DCLK3: variants seen among roughly 807,000 people sequenced by gnomAD.
DCLK3 encodes doublecortin like kinase 3.
A neutral mutation model predicts 46.4 loss-of-function variants in DCLK3; 30 were observed. The ratio of observed to expected loss-of-function variants is 0.65; its 90% CI spans 0.48 to 0.88. The LOEUF is 0.88. DCLK3 is among the 40% of genes least tolerant of loss of function. The pLI, the probability that DCLK3 is intolerant of heterozygous loss-of-function variation, is 0.00. For missense variants in DCLK3, 846 were observed against 907.1 expected (o/e 0.93, Z 0.87); for synonymous variants, 401 against 339.2 (o/e 1.18, Z -2.00).
intron 3 of DCLK3, 105 bp from the exon 4 acceptor site, chr3:36,718,282 A>G: frequency 6.6e-7 from 1 of 1,505,710 alleles, no homozygotes; most frequent in South Asian, 1.2e-5. Context: ...TCTAAGTCAT[A>G]GAGGATCCCA....
In DCLK3 at chr3:36,764,139, G is replaced by A. The variant is rs1701564252; in HGVS notation, c.82+43C>T. 1 of 329,324 alleles carries A rather than the reference G, an allele frequency of 3.0e-6. No individual in the cohort carries two copies. The allele number at this position is 329,324 out of a possible 1,614,324, so 20.4% of individuals were successfully genotyped here. ...AATGAGTCCTCCCGCCCCCGCCAAG[G>A]TGGCGCCCAGAACGGGTCGGTGCCG... On this transcript the variant is annotated intron_variant, in intron 1 of 4. Transcript: ENST00000636136. The surrounding 1 kb of genome is among the most constrained non-coding windows in gnomAD (Gnocchi z 4.9).
intron 3 of DCLK3, 37 bp from the exon 4 acceptor site, chr3:36,718,214 G>C (rs956591786): frequency 2.5e-6 from 4 of 1,612,254 alleles, no homozygotes; most frequent in Non-Finnish European, 1.7e-6. Flanking sequence ...GCAAACCTGA[G>C]ACCAGGCAGG....
intron 3 of DCLK3, 41 bp from the exon 4 acceptor site, chr3:36,718,218 A>C: frequency 6.2e-7 from 1 of 1,611,782 alleles, no homozygotes; most frequent in Non-Finnish European, 8.5e-7. Flanking sequence ...ACCTGAGACC[A>C]GGCAGGGTCA....
intron 1 of DCLK3, among the ~76,000 whole-genome samples, chr3:36,748,081 A>G (rs1701408475): frequency 6.6e-6 from 1 of 152,174 alleles, no homozygotes. Context: ...GCATGACCCA[A>G]CTAAACCCAA....
At chr3:36,734,313 C>A (rs1701233697) in intron 2 of DCLK3, among the ~76,000 whole-genome samples, 1 of 152,120 alleles carries the variant, frequency 6.6e-6, no homozygotes, top group Non-Finnish European at 1.5e-5. Context: ...TCTGACATAA[C>A]AATATGTTAA....
intron 1 of DCLK3, among the ~76,000 whole-genome samples, chr3:36,741,319 A>G (rs889818366): frequency 3.9e-5 from 6 of 152,200 alleles, no homozygotes; most frequent in Admixed American, 1.3e-4. Flanking sequence ...TCCTTGATAC[A>G]TACTGTCAGA....
intron 1 of DCLK3, among the ~76,000 whole-genome samples, chr3:36,756,786 C>A (rs114358360): frequency 2.0e-5 from 3 of 152,020 alleles, no homozygotes; most frequent in African/African-American, 7.2e-5. Context: ...CCCTGCTAGT[C>A]TGGGGGGATT....
At chr3:36,750,173 C>T (rs58533039) in intron 1 of DCLK3, among the ~76,000 whole-genome samples, 11 of 152,216 alleles carry the variant, frequency 7.2e-5, no homozygotes, top group South Asian at 6.2e-4. Context: ...CTCTGCTTCC[C>T]GGGTTCAAGC....
At position 36,730,221 on chromosome 3, in the gene DCLK3, CACACACAA is replaced by C. The variant is rs1290291408; in HGVS notation, c.1959+6979_1959+6986del. On this transcript the variant is annotated intron_variant, in intron 2 of 4. Transcript: ENST00000636136. ...ACACACACACACACACACACACACA[CACACACAA>C]ACACATAAACATACCATAATACAAA... Among the ~76,000 whole-genome samples the C allele has an allele frequency of 5.5e-5, 7 of 127,598 alleles. No homozygotes were observed. The South Asian group carries it at 7.6e-4, about 14-fold the overall frequency. The allele number at this position is 127,598 out of a possible 152,430, so 83.7% of individuals were successfully genotyped here. A position where few individuals can be genotyped will look rare whatever the true frequency, so the allele number is the denominator to read the frequency against.
intron 2 of DCLK3, among the ~76,000 whole-genome samples, chr3:36,729,441 C>A (rs953080407): frequency 6.6e-6 from 1 of 152,166 alleles, no homozygotes; most frequent in African/African-American, 2.4e-5. Flanking sequence ...TGACTGTTAT[C>A]TGTCTGCATC....
In DCLK3 at chr3:36,764,002, A is replaced by G. The variant is rs1358963694; in HGVS notation, c.82+180T>C. Among the ~76,000 whole-genome samples the G allele has an allele frequency of 6.6e-6, 1 of 152,080 alleles. No homozygotes were observed. Among genetic ancestry groups the G allele is most frequent in the African/African-American group, 2.4e-5 (1 of 41,458 alleles). ...CACGCGCGCGCGTTTACACACACGT[A>G]CACACACATACACACGTACACACAC... is the stretch of plus-strand genomic sequence containing the variant. On this transcript the variant is annotated intron_variant, in intron 1 of 4. Coordinates refer to ENST00000636136, the MANE Select transcript of DCLK3 (RefSeq NM_001394672.2). The surrounding 1 kb of genome is among the most constrained non-coding windows in gnomAD (Gnocchi z 4.9).
intron 1 of DCLK3, among the ~76,000 whole-genome samples, chr3:36,739,599 C>T (rs892809898): frequency 9.2e-5 from 14 of 152,208 alleles, no homozygotes; most frequent in Non-Finnish European, 1.3e-4. Flanking sequence ...ACTTGCCCTT[C>T]CTTGCCTTCC....
chr3:36,714,214 T>C lies in DCLK3; in HGVS notation c.*1114A>G, dbSNP rs951723259. The C allele has an allele frequency of 6.6e-6, 1 of 152,188 alleles. No homozygotes were observed. Among genetic ancestry groups the C allele is most frequent in the African/African-American group, 2.4e-5 (1 of 41,430 alleles). 9.4% of individuals were successfully genotyped at this position (152,188 alleles called of 1,614,324 possible). A position where few individuals can be genotyped will look rare whatever the true frequency, so the allele number is the denominator to read the frequency against. ...CTTATGTTGAATTCTCTAGTACTAT[T>C]CCGGTTTTCCTAACTAACACACGCC... is the stretch of plus-strand genomic sequence containing the variant. On this transcript the variant is annotated 3_prime_UTR_variant, in exon 5 of 5. Coordinates refer to ENST00000636136, the MANE Select transcript of DCLK3 (RefSeq NM_001394672.2).
chr3:36,727,653 A>T (rs1701141603), intron 2 of DCLK3, among the ~76,000 whole-genome samples: 1 of 152,174 alleles, frequency 6.6e-6, no homozygotes, highest in Non-Finnish European at 1.5e-5. Context: ...CATAAGCAGA[A>T]CTTGGTGGGG....
intron 4 of DCLK3, among the ~76,000 whole-genome samples, chr3:36,716,258 T>C (rs1156812875): frequency 1.3e-5 from 2 of 152,188 alleles, no homozygotes; most frequent in South Asian, 2.1e-4. Flanking sequence ...ACTCAAGATA[T>C]GCACAAGAAG....
chr3:36,724,176 G>C (rs1701097245), intron 2 of DCLK3, among the ~76,000 whole-genome samples: 1 of 152,226 alleles, frequency 6.6e-6, no homozygotes, highest in South Asian at 2.1e-4. Flanking sequence ...CATGGGGCCT[G>C]TGGCCCCTTT....
chr3:36,734,779 A>G (rs1254819756), intron 2 of DCLK3, among the ~76,000 whole-genome samples: 1 of 152,072 alleles, frequency 6.6e-6, no homozygotes, highest in Non-Finnish European at 1.5e-5. Context: ...TAAAACATGC[A>G]TGTACTGACA....
rs919373153 is a variant in DCLK3 at position 36,713,907 on chromosome 3, G to A, written c.*1421C>T. 2.0e-5 allele frequency: 3 copies of A among 152,292 alleles called. No individual in the cohort carries two copies. Among genetic ancestry groups the A allele is most frequent in the African/African-American group, 4.8e-5 (2 of 41,428 alleles). 9.4% of individuals were successfully genotyped at this position (152,292 alleles called of 1,614,324 possible). A position where few individuals can be genotyped will look rare whatever the true frequency, so the allele number is the denominator to read the frequency against. Reference sequence around the variant, plus strand: ...AGCCTGCTTCAGGAGGGAGCTGAAAGGTGTCTCTTCCAGTGGAGGGTAATT... The same window carrying A: ...AGCCTGCTTCAGGAGGGAGCTGAAAAGTGTCTCTTCCAGTGGAGGGTAATT... On this transcript the variant is annotated 3_prime_UTR_variant, in exon 5 of 5. Coordinates refer to ENST00000636136, the MANE Select transcript of DCLK3 (RefSeq NM_001394672.2).
In DCLK3 at chr3:36,721,596, C is replaced by A. The variant is rs1294907771; in HGVS notation, c.2023G>T (p.Val675Leu). Residue 675 changes from valine to leucine, a missense_variant, in exon 3 of 5, where the codon GTG (valine) becomes TTG (leucine). Transcript: ENST00000636136. Reference protein sequence around the residue: ...KLADFGLAKHVVRPIFTVCGT... With the variant: ...KLADFGLAKHLVRPIFTVCGT... ...CACACAGTAAATATAGGTCTCACCA[C>A]ATGCTTTGCAAGTCCAAAATCAGCC... The A allele has an allele frequency of 1.2e-6, 2 of 1,614,102 alleles. No individual in the cohort carries two copies. Among genetic ancestry groups the A allele is most frequent in the East Asian group, 2.2e-5 (1 of 44,894 alleles).
Sources: allele counts gnomAD v4.1 joint callset (sites outside exome capture counted in the v4.1 genomes callset), GRCh38; gene constraint gnomAD v4.1.1; non-coding constraint Gnocchi (gnomAD v3.1); transcripts MANE v1.5; gene names NCBI Gene and HGNC (gene_info 2026-07-23, HGNC 2026-07-21).